Variants in CDH10 observed in about 807,000 individuals in gnomAD.
CDH10 encodes cadherin 10, also known as cadherin-10.
In CDH10, 30 loss-of-function variants were observed where a neutral mutation model predicts 73.1. The ratio of observed to expected loss-of-function variants is 0.41; its 90% CI spans 0.31 to 0.56. The LOEUF is 0.56. Ranked by LOEUF, CDH10 falls within the 20% of genes least tolerant of loss-of-function variation. CDH10 has a pLI of 0.27. For missense variants in CDH10, 815 were observed against 973.7 expected (o/e 0.84, Z 2.17); for synonymous variants, 345 against 348.2 (o/e 0.99, Z 0.10).
At chr5:24,619,972 A>C (rs1311404697) in intron 1 of CDH10, among the ~76,000 whole-genome samples, 1 of 152,212 alleles carries the variant, frequency 6.6e-6, no homozygotes, top group Non-Finnish European at 1.5e-5. Context: ...GTAGGTTGTC[A>C]CTGTAACCAG....
intron 1 of CDH10, among the ~76,000 whole-genome samples, chr5:24,643,580 G>A (rs939746372): frequency 2.0e-5 from 3 of 152,074 alleles, no homozygotes; most frequent in Non-Finnish European, 4.4e-5. Flanking sequence ...GAGCTGAGAA[G>A]TAATGGATGT....
rs1554016940 is a variant in CDH10, at chr5:24,504,506, C to CTGTTTTTTTTTTTTTTTTTTT, written c.1393+605_1393+606insAAAAAAAAAAAAAAAAAAACA. ...TATTAAATGCTTTTCTCCTATTAAT[C>CTGTTTTTTTTTTTTTTTTTTT]TTTTTTTTTTTTTTTTTTTTTTTTT... On this transcript the variant is annotated intron_variant, in intron 8 of 11. Coordinates refer to ENST00000264463, the MANE Select transcript of CDH10 (RefSeq NM_006727.5). Among the ~76,000 whole-genome samples, 9 of 65,164 alleles carry CTGTTTTTTTTTTTTTTTTTTT rather than the reference C, an allele frequency of 1.4e-4. 3 individuals are homozygous for CTGTTTTTTTTTTTTTTTTTTT. The highest frequency in any genetic ancestry group is 1.1e-3 in the South Asian group (2 of 1,764). The allele number at this position is 65,164 out of a possible 152,430, so 42.8% of individuals were successfully genotyped here. A position where few individuals can be genotyped will look rare whatever the true frequency, so the allele number is the denominator to read the frequency against.
intron 11 of CDH10, among the ~76,000 whole-genome samples, chr5:24,490,259 G>A (rs74391592): frequency 0.024 from 3,580 of 152,036 alleles, 130 homozygotes; most frequent in African/African-American, 0.082. Context: ...TTCAACTATT[G>A]TAAAGCACAT....
intron 2 of CDH10, among the ~76,000 whole-genome samples, chr5:24,590,409 G>A (rs1746159147): frequency 6.6e-6 from 1 of 151,358 alleles, no homozygotes; most frequent in South Asian, 2.1e-4. Context: ...TTATGTTAGT[G>A]TATTAGTGTA....
At chr5:24,551,655 T>C (rs1444411388) in intron 2 of CDH10, among the ~76,000 whole-genome samples, 1 of 152,156 alleles carries the variant, frequency 6.6e-6, no homozygotes, top group Non-Finnish European at 1.5e-5. Context: ...AACATGTGTG[T>C]GGTGTGAGCA....
intron 1 of CDH10, among the ~76,000 whole-genome samples, chr5:24,624,585 C>T (rs1471906485): frequency 6.6e-6 from 1 of 152,080 alleles, no homozygotes; most frequent in Admixed American, 6.6e-5. Flanking sequence ...CATTAACCAC[C>T]CCTAAAGTAT....
chr5:24,504,504 ATCTTTTTTTTTTTT>A (rs1298081920), intron 8 of CDH10, among the ~76,000 whole-genome samples: 1 of 37,244 alleles, frequency 2.7e-5, no homozygotes, highest in Non-Finnish European at 6.2e-5. Flanking sequence ...TCTCCTATTA[ATCTTTTTTTTTTTT>A]TTTTTTTTTT....
intron 2 of CDH10, among the ~76,000 whole-genome samples, chr5:24,545,241 T>G (rs1744297680): frequency 6.6e-6 from 1 of 152,200 alleles, no homozygotes; most frequent in African/African-American, 2.4e-5. Flanking sequence ...TTACACCTTA[T>G]TTTTTCCCCA....
intron 2 of CDH10, among the ~76,000 whole-genome samples, chr5:24,591,418 A>G (rs920717302): frequency 6.6e-6 from 1 of 151,988 alleles, no homozygotes. Flanking sequence ...CACAGTCTAC[A>G]TGGAAAAGAA....
At chr5:24,609,294 A>C (rs1746864598) in intron 1 of CDH10, among the ~76,000 whole-genome samples, 1 of 152,126 alleles carries the variant, frequency 6.6e-6, no homozygotes, top group South Asian at 2.1e-4. Flanking sequence ...TCTAGTCAAC[A>C]TCCTTGAGGC....
rs1362005652 is a variant in CDH10, at chr5:24,504,529, T to G, written c.1393+583A>C. Among the ~76,000 whole-genome samples the G allele has an allele frequency of 1.2e-3, 150 of 126,396 alleles. 2 individuals carry two copies. The highest frequency in any genetic ancestry group is 4.1e-3 in the African/African-American group (138 of 33,444). The allele number at this position is 126,396 out of a possible 152,430, so 82.9% of individuals were successfully genotyped here. ...ATCTTTTTTTTTTTTTTTTTTTTTT[T>G]TTTTTTTTTTTTTTAAGATGGAATC... On this transcript the variant is annotated intron_variant, in intron 8 of 11. Coordinates refer to ENST00000264463, the MANE Select transcript of CDH10 (RefSeq NM_006727.5).
intron 3 of CDH10, among the ~76,000 whole-genome samples, chr5:24,536,034 A>G (rs566588433): frequency 1.3e-5 from 2 of 152,214 alleles, no homozygotes; most frequent in East Asian, 3.9e-4. Flanking sequence ...CAACATGTCT[A>G]TTTTTATGCA....
chr5:24,621,981 A>G (rs989406283), intron 1 of CDH10, among the ~76,000 whole-genome samples: 1 of 152,168 alleles, frequency 6.6e-6, no homozygotes, highest in South Asian at 2.1e-4. Flanking sequence ...AAAGAAGATG[A>G]GGTTAGAGAG....
chr5:24,586,434 CTTTTTTTTT>C (rs35486231), intron 2 of CDH10, among the ~76,000 whole-genome samples: 217 of 100,402 alleles, frequency 2.2e-3, no homozygotes, highest in African/African-American at 8.5e-3. Flanking sequence ...TTATTAACTC[CTTTTTTTTT>C]TTTTTTTTTT....
intron 5 of CDH10, among the ~76,000 whole-genome samples, chr5:24,524,265 A>C (rs1579758855): frequency 6.6e-6 from 1 of 152,216 alleles, no homozygotes; most frequent in Middle Eastern, 3.4e-3. Flanking sequence ...CACACTTTCT[A>C]ATTTATTTCT....
chr5:24,528,064 A>G (rs1183350777), intron 5 of CDH10, among the ~76,000 whole-genome samples: 1 of 151,924 alleles, frequency 6.6e-6, no homozygotes, highest in African/African-American at 2.4e-5. Context: ...CTTTAATAAC[A>G]TAATTTCTTT....
chr5:24,620,449 A>T (rs1376250608), intron 1 of CDH10, among the ~76,000 whole-genome samples: 1 of 152,204 alleles, frequency 6.6e-6, no homozygotes, highest in Non-Finnish European at 1.5e-5. Context: ...AATTAAGATA[A>T]GACCTTGAAT....
At chr5:24,634,707 C>G (rs1418638667) in intron 1 of CDH10, among the ~76,000 whole-genome samples, 2 of 151,672 alleles carry the variant, frequency 1.3e-5, no homozygotes, top group Non-Finnish European at 3.0e-5. Flanking sequence ...GTTTAGGAGT[C>G]TCTATTATAG....
At chr5:24,628,620 CTTCTT>C (rs565450073) in intron 1 of CDH10, among the ~76,000 whole-genome samples, 123 of 152,170 alleles carry the variant, frequency 8.1e-4, no homozygotes, top group Non-Finnish European at 1.3e-3. Context: ...TCTCTTTGAA[CTTCTT>C]TTAAGTGAAA....
Sources: gnomAD v4.1 joint callset for allele counts (sites outside exome capture counted in the v4.1 genomes callset) on GRCh38, gnomAD v4.1.1 for gene constraint, MANE v1.5 for transcripts, NCBI Gene and HGNC (gene_info 2026-07-23, HGNC 2026-07-21) for gene names.